CCNG2: variants seen among roughly 807,000 people sequenced by gnomAD.
CCNG2 encodes the protein cyclin G2.
A neutral mutation model predicts 36.5 loss-of-function variants in CCNG2; 20 were observed. The ratio of observed to expected loss-of-function variants is 0.55; its 90% CI spans 0.39 to 0.80. The LOEUF (loss-of-function observed/expected upper bound fraction) is 0.80. CCNG2 is among the 30% of genes least tolerant of loss of function. The pLI is 0.00. For synonymous variants in CCNG2, 155 were observed against 140.1 expected (o/e 1.11, Z -0.75); for missense variants, 358 against 390.8 (o/e 0.92, Z 0.71).
intron 3 of CCNG2, 54 bp downstream of exon 3, chr4:77,159,558 C>T: frequency 2.0e-6 from 3 of 1,538,306 alleles, no homozygotes; most frequent in Non-Finnish European, 8.9e-7. Flanking sequence ...CAGTGCCTAG[C>T]ACACAGGGTT....
At chr4:77,164,006 GTT>G (rs954856820) in intron 6 of CCNG2, among the ~76,000 whole-genome samples, 2 of 152,160 alleles carry the variant, frequency 1.3e-5, no homozygotes, top group Non-Finnish European at 2.9e-5. Context: ...ATCCTATGTA[GTT>G]TTATACTTAC....
Position 77,167,576 on chromosome 4 carries a change from G to A in CCNG2, c.*1652G>A, listed in dbSNP as rs1731659788. On this transcript the variant is annotated 3_prime_UTR_variant, in exon 8 of 8. Transcript: ENST00000316355. ...TCAGTTGTTTGGTTAATAAGTATGG[G>A]GTGTTCGCTGTGATAGGGCCCCGCC... The A allele has an allele frequency of 6.6e-6, 1 of 152,186 alleles. No individual in the cohort carries two copies. Among genetic ancestry groups the A allele is most frequent in the Non-Finnish European group, 1.5e-5 (1 of 68,032 alleles). 9.4% of individuals were successfully genotyped at this position (152,186 alleles called of 1,614,324 possible). A position where few individuals can be genotyped will look rare whatever the true frequency, so the allele number is the denominator to read the frequency against.
intron 4 of CCNG2, 126 bp downstream of exon 4, chr4:77,161,097 A>ATTTTTT (rs150342928): frequency 4.2e-6 from 2 of 475,300 alleles, no homozygotes; most frequent in African/African-American, 3.1e-5. Flanking sequence ...TTATTGGTAA[A>ATTTTTT]TCTTTTTTTT....
At position 77,166,871 on chromosome 4, in the gene CCNG2, T is replaced by C. The variant is rs1287959624; in HGVS notation, c.*947T>C. 1.3e-5 allele frequency: 2 copies of C among 152,242 alleles called. No individual in the cohort carries two copies. Among genetic ancestry groups the C allele is most frequent in the African/African-American group, 2.4e-5 (1 of 41,468 alleles). The allele number at this position is 152,242 out of a possible 1,614,324, so 9.4% of individuals were successfully genotyped here. A position where few individuals can be genotyped will look rare whatever the true frequency, so the allele number is the denominator to read the frequency against. ...AAGAACCCGAGTGTTTGTAGTATTA[T>C]AGTTTTAAGCAAATCTGTGTGGTGA... is the stretch of plus-strand genomic sequence containing the variant. On this transcript the variant is annotated 3_prime_UTR_variant, in exon 8 of 8. Transcript: ENST00000316355.
At position 77,166,245 on chromosome 4, in the gene CCNG2, T is replaced by C. The variant is rs1258482554; in HGVS notation, c.*321T>C. 2 of 174,020 alleles carry C rather than the reference T, an allele frequency of 1.1e-5. No individual in the cohort carries two copies. Among genetic ancestry groups the C allele is most frequent in the Non-Finnish European group, 2.4e-5 (2 of 81,710 alleles). 10.8% of individuals were successfully genotyped at this position (174,020 alleles called of 1,614,324 possible). A position where few individuals can be genotyped will look rare whatever the true frequency, so the allele number is the denominator to read the frequency against. On this transcript the variant is annotated 3_prime_UTR_variant, in exon 8 of 8. Coordinates refer to ENST00000316355, the MANE Select transcript of CCNG2 (RefSeq NM_004354.3). ...TTTCAAGATTTTTAAAAATAACTAG[T>C]GTAGCTTATCTTAAACATTTTATAA...
intron 7 of CCNG2, 26 bp from the exon 8 acceptor site, chr4:77,165,775 C>G (rs769979003): frequency 1.3e-6 from 2 of 1,529,010 alleles, no homozygotes; most frequent in South Asian, 1.3e-5. Flanking sequence ...ATGGTATCCT[C>G]TTTTTTTGTC....
rs991614482 is a variant in CCNG2, at chr4:77,166,822, A to G, written c.*898A>G. 1.3e-5 allele frequency: 2 copies of G among 152,212 alleles called. No homozygotes were observed. Among genetic ancestry groups the G allele is most frequent in the Non-Finnish European group, 1.5e-5 (1 of 68,020 alleles). The allele number at this position is 152,212 out of a possible 1,614,324, so 9.4% of individuals were successfully genotyped here. A position where few individuals can be genotyped will look rare whatever the true frequency, so the allele number is the denominator to read the frequency against. Reference sequence around the variant, plus strand: ...TTACATTTCAGAATAGTGTATTGCTATATGGGTGCCAAGATTGAATATGAA... The same window carrying G: ...TTACATTTCAGAATAGTGTATTGCTGTATGGGTGCCAAGATTGAATATGAA... On this transcript the variant is annotated 3_prime_UTR_variant, in exon 8 of 8. Coordinates refer to ENST00000316355, the MANE Select transcript of CCNG2 (RefSeq NM_004354.3).
Position 77,167,020 on chromosome 4 carries a change from T to C in CCNG2, c.*1096T>C, listed in dbSNP as rs1005778931. The C allele has an allele frequency of 6.6e-6, 1 of 152,156 alleles. No homozygotes were observed. Among genetic ancestry groups the C allele is most frequent in the Non-Finnish European group, 1.5e-5 (1 of 68,022 alleles). The allele number at this position is 152,156 out of a possible 1,614,324, so 9.4% of individuals were successfully genotyped here. A position where few individuals can be genotyped will look rare whatever the true frequency, so the allele number is the denominator to read the frequency against. ...TTAAAATGTACATAAAATACTGTATTTTTTTACCTTGTGTGTGATAGTCTA... is the reference window on the plus strand; with the variant it reads ...TTAAAATGTACATAAAATACTGTATCTTTTTACCTTGTGTGTGATAGTCTA... On this transcript the variant is annotated 3_prime_UTR_variant, in exon 8 of 8. Transcript: ENST00000316355.
rs1341415150 is a variant in CCNG2 at position 77,160,941 on chromosome 4, A to G, written c.497A>G (p.His166Arg). The change falls in exon 4 of 8, where the codon CAT (histidine) becomes CGT (arginine). Residue 166 changes from histidine (H) to arginine (R), a missense_variant. His to Arg is a conservative substitution (Grantham distance 29, BLOSUM62 0). Coordinates refer to ENST00000316355, the MANE Select transcript of CCNG2 (RefSeq NM_004354.3). Reference sequence around the variant, plus strand: ...GCCTTAAACTTTTTGCACTTATACCATACTATTATACTTTGTCATACTTCA... The same window carrying G: ...GCCTTAAACTTTTTGCACTTATACCGTACTATTATACTTTGTCATACTTCA... ...TTALNFLHLY[H>R]TIILCHTSER... The G allele has an allele frequency of 1.9e-6, 3 of 1,605,242 alleles. No homozygotes were observed. The highest frequency in any genetic ancestry group is 1.3e-5 in the African/African-American group (1 of 74,832).
At chr4:77,163,636 C>G (rs748162078) in intron 6 of CCNG2, among the ~76,000 whole-genome samples, 15 of 151,860 alleles carry the variant, frequency 9.9e-5, no homozygotes, top group Non-Finnish European at 1.8e-4. Flanking sequence ...AAAATTGATT[C>G]GTTGAAATAA....
chr4:77,161,223 C>T (rs909866559), intron 4 of CCNG2, among the ~76,000 whole-genome samples: 1 of 151,516 alleles, frequency 6.6e-6, no homozygotes, highest in Non-Finnish European at 1.5e-5. Flanking sequence ...CTGCGTCAGC[C>T]TCCCAAGTAG....
At position 77,167,538 on chromosome 4, in the gene CCNG2, A is replaced by G. The variant is rs922950720; in HGVS notation, c.*1614A>G. 6.6e-6 allele frequency: 1 copy of G among 152,186 alleles called. No homozygotes were observed. Among genetic ancestry groups the G allele is most frequent in the African/African-American group, 2.4e-5 (1 of 41,428 alleles). 9.4% of individuals were successfully genotyped at this position (152,186 alleles called of 1,614,324 possible). On this transcript the variant is annotated 3_prime_UTR_variant, in exon 8 of 8. Transcript: ENST00000316355. ...GATTAGAACGATCTTTCAGGAGACA[A>G]AGCAAGTTTTAATCAGTTGTTTGGT...
At chr4:77,162,199 C>T (rs183696075) in intron 6 of CCNG2, among the ~76,000 whole-genome samples, 110 of 152,200 alleles carry the variant, frequency 7.2e-4, no homozygotes, top group African/African-American at 2.5e-3. Context: ...TCCTTTAGGC[C>T]AGCTAAGTAA....
chr4:77,162,596 C>T (rs540680703), intron 6 of CCNG2, among the ~76,000 whole-genome samples: 7 of 151,856 alleles, frequency 4.6e-5, no homozygotes, highest in South Asian at 4.2e-4. Flanking sequence ...TTGGCCAGGC[C>T]GGTCTTGAAC....
intron 6 of CCNG2, 152 bp from the exon 7 acceptor site, chr4:77,164,122 A>G (rs1294332182): frequency 6.6e-6 from 4 of 603,080 alleles, no homozygotes; most frequent in Non-Finnish European, 1.2e-5. Flanking sequence ...TGTTGCACTC[A>G]TTGTCAATTA....
chr4:77,159,584 G>A lies in CCNG2; in HGVS notation c.276+80G>A, dbSNP rs905539378. The A allele has an allele frequency of 5.0e-6, 7 of 1,387,676 alleles. No individual in the cohort carries two copies. The African/African-American group carries it at 5.8e-5, about 11-fold the overall frequency. 86.0% of individuals were successfully genotyped at this position (1,387,676 alleles called of 1,614,324 possible). On this transcript the variant is annotated intron_variant, in intron 3 of 7. Transcript: ENST00000316355. ...ACACAGGGTTCAAGAAATATTTATC[G>A]AATGGGTATAATAACGTCCACTGTA...
intron 3 of CCNG2, among the ~76,000 whole-genome samples, 156 bp downstream of exon 3, chr4:77,159,660 C>CA (rs1332643650): frequency 6.6e-6 from 1 of 152,192 alleles, no homozygotes; most frequent in East Asian, 1.9e-4. Flanking sequence ...AATAAGACTA[C>CA]AAGATTAATT....
intron 5 of CCNG2, 24 bp downstream of exon 5, chr4:77,161,582 AT>A (rs1731439015): frequency 6.3e-7 from 1 of 1,580,498 alleles, no homozygotes; most frequent in African/African-American, 1.4e-5. Context: ...TTGCTTATGT[AT>A]ATATCTCACA....
chr4:77,161,607 A>G, intron 5 of CCNG2, 42 bp from the exon 6 acceptor site: 1 of 1,570,622 alleles, frequency 6.4e-7, no homozygotes, highest in Non-Finnish European at 8.6e-7. Flanking sequence ...TGTATTTTGA[A>G]TTTTTAAAAA....
Sources: gnomAD v4.1 joint callset for allele counts (sites outside exome capture counted in the v4.1 genomes callset) on GRCh38, gnomAD v4.1.1 for gene constraint, MANE v1.5 for transcripts, NCBI Gene and HGNC (gene_info 2026-07-23, HGNC 2026-07-21) for gene names.